Variants in CDH12 observed in about 807,000 individuals in gnomAD.
CDH12 encodes the protein cadherin 12.
A neutral mutation model predicts 74.1 loss-of-function variants in CDH12; 41 were observed. The observed-to-expected ratio is 0.55, with a 90% CI of 0.43 to 0.72. The LOEUF (loss-of-function observed/expected upper bound fraction) is 0.72, where lower values mean the gene tolerates loss of function less well. Ranked by LOEUF, CDH12 falls within the 30% of genes least tolerant of loss-of-function variation. The pLI, the probability that CDH12 is intolerant of heterozygous loss-of-function variation, is 0.00. For missense variants in CDH12, 945 were observed against 977.2 expected (o/e 0.97, Z 0.44); for synonymous variants, 399 against 355.0 (o/e 1.12, Z -1.39).
intron 1 of CDH12, among the ~76,000 whole-genome samples, chr5:22,596,731 T>C (rs780486807): frequency 6.6e-6 from 1 of 152,210 alleles, no homozygotes; most frequent in African/African-American, 2.4e-5. Flanking sequence ...AATTTACTAA[T>C]TTACAGGCTT....
At chr5:22,600,903 G>A (rs564030657) in intron 1 of CDH12, among the ~76,000 whole-genome samples, 1 of 152,046 alleles carries the variant, frequency 6.6e-6, no homozygotes, top group Non-Finnish European at 1.5e-5. Context: ...TGTTTAATAG[G>A]CAAAGTCTTC....
chr5:22,356,909 A>G (rs1740586051), intron 3 of CDH12, among the ~76,000 whole-genome samples: 1 of 152,128 alleles, frequency 6.6e-6, no homozygotes, highest in Non-Finnish European at 1.5e-5. Flanking sequence ...CAACCAAAAT[A>G]ATTTTTAAAA....
intron 1 of CDH12, among the ~76,000 whole-genome samples, chr5:22,625,730 T>G (rs577758025): frequency 1.3e-5 from 2 of 152,148 alleles, no homozygotes; most frequent in Non-Finnish European, 2.9e-5. Flanking sequence ...CAGGGCATAT[T>G]TGAATGCCCA....
chr5:22,548,527 T>C (rs1429544563), intron 1 of CDH12, among the ~76,000 whole-genome samples: 1 of 152,130 alleles, frequency 6.6e-6, no homozygotes, highest in East Asian at 1.9e-4. Context: ...CCAAATAACA[T>C]GAAAGTTCCC....
chr5:22,388,558 C>T (rs536463140), intron 3 of CDH12, among the ~76,000 whole-genome samples: 1 of 152,156 alleles, frequency 6.6e-6, no homozygotes, highest in Admixed American at 6.5e-5. Flanking sequence ...TTAATGTCTT[C>T]ATTCATTATT....
chr5:22,741,973 G>T (rs1745048111), intron 1 of CDH12, among the ~76,000 whole-genome samples: 1 of 152,172 alleles, frequency 6.6e-6, no homozygotes, highest in African/African-American at 2.4e-5. Flanking sequence ...CTGAGGTCAG[G>T]AGTTCGAGAC....
chr5:22,823,872 C>A (rs1242710190), intron 1 of CDH12, among the ~76,000 whole-genome samples: 1 of 152,126 alleles, frequency 6.6e-6, no homozygotes, highest in East Asian at 1.9e-4. Flanking sequence ...CAGAACTGTG[C>A]ATCAATTAAA....
chr5:22,370,773 A>G (rs1279034440), intron 3 of CDH12, among the ~76,000 whole-genome samples: 3 of 152,110 alleles, frequency 2.0e-5, no homozygotes, highest in African/African-American at 7.2e-5. Flanking sequence ...ATAAACCAGT[A>G]GGTCATACGT....
At chr5:22,257,155 C>G (rs923172348) in intron 3 of CDH12, among the ~76,000 whole-genome samples, 2 of 151,936 alleles carry the variant, frequency 1.3e-5, no homozygotes, top group South Asian at 2.1e-4. Flanking sequence ...AAGAACAATC[C>G]ACACTGGGGC....
chr5:22,004,721 A>T lies in CDH12; in HGVS notation c.232-29336T>A, dbSNP rs557349362. 5.9e-5 allele frequency among the ~76,000 whole-genome samples: 9 copies of T among 152,208 alleles called. No homozygotes were observed. In the East Asian group the frequency reaches 1.7e-3, roughly 29 times the overall value. On this transcript the variant is annotated intron_variant, in intron 5 of 14. Transcript: ENST00000382254. ...TACATGGATGTATTGGGTAATGGTG[A>T]GGTTTGTGCTTCTAATGTACCCATC...
chr5:22,379,836 C>G (rs893106793), intron 3 of CDH12, among the ~76,000 whole-genome samples: 1 of 152,162 alleles, frequency 6.6e-6, no homozygotes, highest in Non-Finnish European at 1.5e-5. Flanking sequence ...TCACTGCAGC[C>G]TCAAACTGCT....
intron 1 of CDH12, among the ~76,000 whole-genome samples, chr5:22,842,308 A>T (rs1389877512): frequency 4.0e-5 from 6 of 150,864 alleles, no homozygotes; most frequent in Non-Finnish European, 8.8e-5. Flanking sequence ...TAGACAGCTA[A>T]AAAAAAACTG....
chr5:22,218,660 A>G (rs1362426003), intron 3 of CDH12, among the ~76,000 whole-genome samples: 1 of 151,682 alleles, frequency 6.6e-6, no homozygotes. Flanking sequence ...TGGTGGCTTC[A>G]CAGGTGTATA....
chr5:22,064,862 GA>G (rs908627167), intron 5 of CDH12, among the ~76,000 whole-genome samples: 5 of 152,010 alleles, frequency 3.3e-5, no homozygotes, highest in African/African-American at 1.2e-4. Context: ...AGATTGTTGG[GA>G]AAAAACCCTA....
At chr5:22,537,428 C>A (rs750443264) in intron 1 of CDH12, among the ~76,000 whole-genome samples, 1 of 152,188 alleles carries the variant, frequency 6.6e-6, no homozygotes, top group Non-Finnish European at 1.5e-5. Context: ...CGAGCACTGT[C>A]ATTTTAAAGT....
chr5:22,507,700 C>T (rs1038110724), intron 1 of CDH12, among the ~76,000 whole-genome samples: 15 of 152,220 alleles, frequency 9.9e-5, no homozygotes, highest in Non-Finnish European at 1.9e-4. Flanking sequence ...GTAATAACAT[C>T]TGTATCAGTT....
chr5:22,529,184 T>TAGAGAG (rs1291298025), intron 1 of CDH12, among the ~76,000 whole-genome samples: 15 of 83,644 alleles, frequency 1.8e-4, no homozygotes, highest in South Asian at 8.9e-4. Flanking sequence ...TATATATATA[T>TAGAGAG]ATATAGAGAG....
intron 6 of CDH12, among the ~76,000 whole-genome samples, chr5:21,902,021 T>G (rs1336143301): frequency 1.3e-5 from 2 of 152,138 alleles, no homozygotes; most frequent in Admixed American, 6.6e-5. Context: ...TAGGAAACAT[T>G]GTTGAATAAG....
intron 6 of CDH12, among the ~76,000 whole-genome samples, chr5:21,970,332 T>C (rs959941794): frequency 5.3e-5 from 8 of 152,208 alleles, no homozygotes; most frequent in African/African-American, 9.6e-5. Context: ...CTGCTACTAA[T>C]TGAGGGGCTC....
Sources: allele counts gnomAD v4.1 joint callset (sites outside exome capture counted in the v4.1 genomes callset), GRCh38; gene constraint gnomAD v4.1.1; transcripts MANE v1.5; gene names NCBI Gene and HGNC (gene_info 2026-07-23, HGNC 2026-07-21).